FBXO34: variants seen among roughly 807,000 people sequenced by gnomAD.
The protein encoded by FBXO34 is F-box protein 34.
Under a neutral mutation model 24.5 loss-of-function variants are expected in FBXO34, and 12 were observed. The ratio of observed to expected loss-of-function variants is 0.49; its 90% CI spans 0.31 to 0.79. The LOEUF (loss-of-function observed/expected upper bound fraction) is 0.79, where lower values mean the gene tolerates loss of function less well. FBXO34 is among the 30% of genes least tolerant of loss of function. The probability of loss-of-function intolerance (pLI) is 0.04; values close to 1 mark genes in which losing one functional copy is unlikely to be tolerated. For missense variants in FBXO34, 823 were observed against 857.7 expected (o/e 0.96, Z 0.51); for synonymous variants, 320 against 311.9 (o/e 1.03, Z -0.27).
the FBXO34 span, among the ~76,000 whole-genome samples, chr14:55,434,958 C>T: frequency 2.0e-4 from 31 of 152,168 alleles, no homozygotes; most frequent in South Asian, 4.8e-3. Context: ...CCTGGCAAAT[C>T]GTTAAAAGTT....
chr14:55,348,198 T>C (rs1050615935), intron 1 of FBXO34, among the ~76,000 whole-genome samples: 1 of 152,174 alleles, frequency 6.6e-6, no homozygotes, highest in Non-Finnish European at 1.5e-5. Flanking sequence ...TTTGTTTGGT[T>C]GGTTGGTTGG....
At chr14:55,353,910 A>G (rs7153110), downstream of FBXO34, among the ~76,000 whole-genome samples, 84,765 of 152,002 alleles carry the variant, frequency 0.56, 26,673 homozygotes, top group African/African-American at 0.87. Context: ...GATCTATTCA[A>G]GCCTGTAGCT....
At chr14:55,294,197 A>C (rs1882044109) in intron 1 of FBXO34, among the ~76,000 whole-genome samples, 1 of 152,096 alleles carries the variant, frequency 6.6e-6, no homozygotes, top group African/African-American at 2.4e-5. Flanking sequence ...GAATTTACTT[A>C]TTATGACTAT....
chr14:55,385,883 A>T, the FBXO34 span: 1 of 1,612,186 alleles, frequency 6.2e-7, no homozygotes, highest in Non-Finnish European at 8.5e-7. Flanking sequence ...TACTTCCTCG[A>T]TTGGAAAAAT....
intron 1 of FBXO34, chr14:55,285,460 A>G (rs1282353554): frequency 6.6e-6 from 1 of 152,208 alleles, no homozygotes; most frequent in Non-Finnish European, 1.5e-5. Context: ...CAGGTTGGAA[A>G]CAGAGCAGGT....
the FBXO34 span, among the ~76,000 whole-genome samples, chr14:55,439,622 C>CG: frequency 3.2e-4 from 44 of 138,232 alleles, 1 homozygote; most frequent in African/African-American, 9.2e-4. Context: ...AAACCCCCCC[C>CG]CGTCTCTACT....
At chr14:55,405,892 G>A in the FBXO34 span, among the ~76,000 whole-genome samples, 3 of 151,940 alleles carry the variant, frequency 2.0e-5, no homozygotes, top group Non-Finnish European at 4.4e-5. Context: ...GGGGTGGCGG[G>A]GGGGGCAGGG....
the FBXO34 span, chr14:55,381,833 T>C: frequency 2.6e-5 from 19 of 719,210 alleles, 1 homozygote; most frequent in Admixed American, 3.5e-4. Context: ...ATGGAGGTGA[T>C]GGGAGCACAG....
chr14:55,412,177 C>A, the FBXO34 span, among the ~76,000 whole-genome samples: 1 of 152,168 alleles, frequency 6.6e-6, no homozygotes, highest in East Asian at 1.9e-4. Context: ...ATTTAACTTG[C>A]TGTGGATGCT....
At chr14:55,442,742 C>T in the FBXO34 span, among the ~76,000 whole-genome samples, 4 of 152,110 alleles carry the variant, frequency 2.6e-5, no homozygotes, top group African/African-American at 4.8e-5. Flanking sequence ...ACAGTACCTG[C>T]CTAGTAGCTC....
At chr14:55,371,180 T>A (rs998489130), downstream of FBXO34, among the ~76,000 whole-genome samples, 1 of 152,052 alleles carries the variant, frequency 6.6e-6, no homozygotes, top group Non-Finnish European at 1.5e-5. Context: ...TTGGGGAAAA[T>A]AGGAGAGGTC....
chr14:55,330,703 A>G (rs192904352), intron 1 of FBXO34, among the ~76,000 whole-genome samples: 2 of 152,160 alleles, frequency 1.3e-5, no homozygotes, highest in African/African-American at 4.8e-5. Context: ...TGGTGGGAGG[A>G]TGGCTTGAGG....
At chr14:55,287,147 C>T (rs1264886182) in intron 1 of FBXO34, among the ~76,000 whole-genome samples, 1 of 152,040 alleles carries the variant, frequency 6.6e-6, no homozygotes, top group Non-Finnish European at 1.5e-5. Context: ...CTCAGGTGAT[C>T]CATCTGCCTT....
At chr14:55,369,937 C>A (rs1212297598), downstream of FBXO34, 1 of 1,578,356 alleles carries the variant, frequency 6.3e-7, no homozygotes, top group Non-Finnish European at 8.6e-7. Context: ...TGTGTGCAGA[C>A]AATGAGGGTC....
At chr14:55,440,734 ACT>A in the FBXO34 span, 4 of 591,966 alleles carry the variant, frequency 6.8e-6, no homozygotes, top group Non-Finnish European at 1.1e-5. Context: ...CAGTCACCCC[ACT>A]CTGCCCGCAG....
intron 1 of FBXO34, among the ~76,000 whole-genome samples, chr14:55,349,697 C>T (rs1884279045): frequency 6.7e-6 from 1 of 150,126 alleles, no homozygotes; most frequent in Non-Finnish European, 1.5e-5. Context: ...AGCCTCTGCC[C>T]CTAGGTTAAA....
At position 55,338,852 on chromosome 14, in the gene FBXO34, G is replaced by A. The variant is rs572932869; in HGVS notation, c.-10-11529G>A. Among the ~76,000 whole-genome samples, 429 of 151,650 alleles carry A rather than the reference G, an allele frequency of 2.8e-3. 4 individuals are homozygous for A. Among genetic ancestry groups the A allele is most frequent in the African/African-American group, 0.01 (414 of 41,298 alleles). On this transcript the variant is annotated intron_variant, in intron 1 of 1. Transcript: ENST00000313833. Reference sequence around the variant, plus strand: ...ATCTGGGAGGCGGAGCTTGCAGTGAGCTGAGATTGCGCCACTGCACTCCAG... The same window carrying A: ...ATCTGGGAGGCGGAGCTTGCAGTGAACTGAGATTGCGCCACTGCACTCCAG...
At chr14:55,436,626 T>C in the FBXO34 span, 14 of 1,614,122 alleles carry the variant, frequency 8.7e-6, no homozygotes, top group Non-Finnish European at 1.1e-5. Context: ...GAGTTATGGA[T>C]GCCAGAGACA....
the FBXO34 span, among the ~76,000 whole-genome samples, chr14:55,421,287 A>G: frequency 1.3e-5 from 2 of 152,136 alleles, no homozygotes; most frequent in Non-Finnish European, 2.9e-5. Flanking sequence ...TGATATCTAC[A>G]CTATTCAATT....
Sources: gnomAD v4.1 joint callset for allele counts (sites outside exome capture counted in the v4.1 genomes callset) on GRCh38, gnomAD v4.1.1 for gene constraint, MANE v1.5 for transcripts, NCBI Gene and HGNC (gene_info 2026-07-23, HGNC 2026-07-21) for gene names.